The following MAD1L1 variants were observed in gnomAD, a reference collection of about 807,000 sequenced individuals.
MAD1L1 encodes the protein mitotic arrest deficient 1 like 1.
In MAD1L1, 95 loss-of-function variants were observed where a neutral mutation model predicts 96.9. That is an observed-to-expected ratio of 0.98 (90% CI 0.83 to 1.16). The LOEUF is 1.16. MAD1L1 is among the 50% of genes most tolerant of loss of function. MAD1L1 has a pLI of 0.00. For synonymous variants in MAD1L1, 473 were observed against 396.6 expected, an observed-to-expected ratio of 1.19 and a Z score of -2.29; for missense variants, 1,007 against 954.4, an observed-to-expected ratio of 1.06 and a Z score of -0.73.
At chr7:2,040,722 G>A (rs1783636717) in intron 12 of MAD1L1, among the ~76,000 whole-genome samples, 1 of 152,186 alleles carries the variant, frequency 6.6e-6, no homozygotes, top group Non-Finnish European at 1.5e-5. Flanking sequence ...GCAGCTCCCC[G>A]CCAGGCTGTT....
chr7:2,127,546 G>A (rs1788290889), intron 11 of MAD1L1, among the ~76,000 whole-genome samples: 1 of 152,178 alleles, frequency 6.6e-6, no homozygotes, highest in Non-Finnish European at 1.5e-5. Flanking sequence ...AGGTCCAGAC[G>A]TCAGGAACCT....
At chr7:1,987,809 G>A (rs1227229617) in intron 14 of MAD1L1, among the ~76,000 whole-genome samples, 2 of 152,170 alleles carry the variant, frequency 1.3e-5, no homozygotes, top group Admixed American at 6.5e-5. Context: ...GGGCAGCAGC[G>A]TTCTCAGAGG....
At chr7:1,955,794 C>T (rs987460525) in intron 16 of MAD1L1, among the ~76,000 whole-genome samples, 1 of 152,156 alleles carries the variant, frequency 6.6e-6, no homozygotes, top group African/African-American at 2.4e-5. Context: ...TAGGGTTGTC[C>T]TGTTGCATTT....
At chr7:2,214,496 G>T (rs1297075413) in intron 9 of MAD1L1, among the ~76,000 whole-genome samples, 1 of 152,216 alleles carries the variant, frequency 6.6e-6, no homozygotes, top group Non-Finnish European at 1.5e-5. Context: ...GGGGACTCTG[G>T]AAGTGGCCAG....
chr7:2,088,559 G>C lies in MAD1L1; in HGVS notation c.1074-19221C>G, dbSNP rs1037581282. On this transcript the variant is annotated intron_variant, in intron 11 of 18. Coordinates refer to ENST00000265854, the MANE Select transcript of MAD1L1 (RefSeq NM_001013836.2). This position sits in a 1 kb window ranked among gnomAD's most constrained non-coding sequence, Gnocchi z 4.4. ...CTGCACGTGCACATCCATCTCCCTG[G>C]GAGGCCGGGGAGATCAGGACGGTGT... Among the ~76,000 whole-genome samples, 1 of 152,196 alleles carries C rather than the reference G, an allele frequency of 6.6e-6. No individual in the cohort carries two copies. Among genetic ancestry groups the C allele is most frequent in the Non-Finnish European group, 1.5e-5 (1 of 68,036 alleles).
At chr7:2,131,663 CAG>C (rs1395781793) in intron 11 of MAD1L1, among the ~76,000 whole-genome samples, 1 of 152,228 alleles carries the variant, frequency 6.6e-6, no homozygotes, top group East Asian at 1.9e-4. Context: ...GGTTCTCATC[CAG>C]AGAGCAGCAA....
At chr7:2,065,312 C>T (rs1279881674) in intron 12 of MAD1L1, among the ~76,000 whole-genome samples, 1 of 152,240 alleles carries the variant, frequency 6.6e-6, no homozygotes, top group Non-Finnish European at 1.5e-5. Flanking sequence ...CACACTCTCC[C>T]ATCACTGAGG....
At chr7:1,934,665 GAACGAACAGATGGGCGAACCCGA>G (rs1789679666) in intron 17 of MAD1L1, among the ~76,000 whole-genome samples, 1 of 147,198 alleles carries the variant, frequency 6.8e-6, no homozygotes, top group African/African-American at 2.5e-5. Context: ...GACAACAGGG[GAACGAACAGATGGGCGAACCCGA>G]GACAGGCAGA....
intron 18 of MAD1L1, among the ~76,000 whole-genome samples, chr7:1,818,754 A>G (rs1182675771): frequency 1.3e-5 from 2 of 151,464 alleles, no homozygotes; most frequent in Admixed American, 1.3e-4. Context: ...GCTGCTCCCA[A>G]TGGTAGGCCG....
chr7:1,941,734 A>T (rs549784415), intron 16 of MAD1L1, among the ~76,000 whole-genome samples: 2 of 152,260 alleles, frequency 1.3e-5, no homozygotes, highest in South Asian at 4.1e-4. Flanking sequence ...GGTCACGGAG[A>T]GCATTCACTG....
intron 11 of MAD1L1, among the ~76,000 whole-genome samples, chr7:2,097,097 G>A (rs1786532297): frequency 6.6e-6 from 1 of 152,090 alleles, no homozygotes; most frequent in South Asian, 2.1e-4. Flanking sequence ...AGGGGAAGGG[G>A]GCAGCCTCCA....
intron 12 of MAD1L1, among the ~76,000 whole-genome samples, chr7:2,015,767 C>A (rs1340879683): frequency 6.6e-6 from 1 of 152,258 alleles, no homozygotes; most frequent in Non-Finnish European, 1.5e-5. Flanking sequence ...CAGACACCCA[C>A]CCAGGTGTGC....
chr7:2,036,986 AGCACG>A (rs1783466068), intron 12 of MAD1L1, among the ~76,000 whole-genome samples: 1 of 151,920 alleles, frequency 6.6e-6, no homozygotes, highest in East Asian at 1.9e-4. Context: ...CTCCCCCCAC[AGCACG>A]AGCTTCCGCG....
chr7:2,003,035 G>GA (rs1781871768), intron 13 of MAD1L1, among the ~76,000 whole-genome samples: 1 of 149,778 alleles, frequency 6.7e-6, no homozygotes, highest in Admixed American at 6.6e-5. Context: ...GGCCTTGTGA[G>GA]ACCCCCCCAG....
chr7:1,950,027 G>A (rs1779414727), intron 16 of MAD1L1, among the ~76,000 whole-genome samples: 1 of 152,242 alleles, frequency 6.6e-6, no homozygotes, highest in Non-Finnish European at 1.5e-5. Flanking sequence ...GAGGTGCTCA[G>A]CAGTGGGTCC....
chr7:1,989,958 G>A (rs1010667338), intron 14 of MAD1L1, among the ~76,000 whole-genome samples: 3 of 152,226 alleles, frequency 2.0e-5, no homozygotes, highest in Non-Finnish European at 4.4e-5. Flanking sequence ...CCTTGCATTC[G>A]GTTTAATTTG....
At chr7:1,843,094 G>A (rs532454787) in intron 18 of MAD1L1, among the ~76,000 whole-genome samples, 2 of 152,178 alleles carry the variant, frequency 1.3e-5, no homozygotes, top group African/African-American at 4.8e-5. Flanking sequence ...AGCAGCCCTG[G>A]TCATTCTCCA....
At chr7:1,899,162 T>C (rs1350499212) in intron 17 of MAD1L1, among the ~76,000 whole-genome samples, 1 of 152,202 alleles carries the variant, frequency 6.6e-6, no homozygotes, top group African/African-American at 2.4e-5. Flanking sequence ...TTACGGCTGC[T>C]TGGGGAGGAA....
intron 17 of MAD1L1, among the ~76,000 whole-genome samples, chr7:1,919,805 C>T (rs941522776): frequency 1.3e-5 from 2 of 152,176 alleles, no homozygotes; most frequent in African/African-American, 2.4e-5. Context: ...GTGTGGCAAC[C>T]CCTCCTCCAT....
Sources: allele counts gnomAD v4.1 joint callset (sites outside exome capture counted in the v4.1 genomes callset), GRCh38; gene constraint gnomAD v4.1.1; non-coding constraint Gnocchi (gnomAD v3.1); transcripts MANE v1.5; gene names NCBI Gene and HGNC (gene_info 2026-07-23, HGNC 2026-07-21).